Variants in PRELID2 observed in about 807,000 individuals in gnomAD.
The protein encoded by PRELID2 is PRELI domain containing 2, also known as PRELI domain-containing protein 2.
PRELID2 carries 25 observed loss-of-function variants against 28.4 expected under a neutral mutation model. The ratio of observed to expected loss-of-function variants is 0.88; its 90% CI spans 0.64 to 1.23. The LOEUF (loss-of-function observed/expected upper bound fraction) is 1.23. Ranked by LOEUF, PRELID2 falls within the 50% of genes most tolerant of loss-of-function variation. The pLI, the probability that PRELID2 is intolerant of heterozygous loss-of-function variation, is 0.00. For synonymous variants in PRELID2, 76 were observed against 71.6 expected (o/e 1.06, Z -0.31); for missense variants, 201 against 214.4 (o/e 0.94, Z 0.39).
intron 1 of PRELID2, among the ~76,000 whole-genome samples, chr5:145,599,946 G>C (rs62394187): frequency 0.033 from 5,086 of 152,044 alleles, 176 homozygotes; most frequent in African/African-American, 0.081. Flanking sequence ...CATCTTCCAA[G>C]GTATTTCTAA....
intron 1 of PRELID2, among the ~76,000 whole-genome samples, chr5:145,508,126 C>T (rs183161247): frequency 4.7e-4 from 71 of 152,194 alleles, no homozygotes; most frequent in Middle Eastern, 3.4e-3. Context: ...TCTTGTTTAG[C>T]GATAGTGCGA....
intron 1 of PRELID2, among the ~76,000 whole-genome samples, chr5:145,589,042 G>A (rs954166702): frequency 6.6e-6 from 1 of 152,120 alleles, no homozygotes; most frequent in African/African-American, 2.4e-5. Flanking sequence ...TCCAGAAAGA[G>A]GGAGAAAGAG....
chr5:145,766,394 G>T (rs1399166496), intron 5 of PRELID2, among the ~76,000 whole-genome samples: 1 of 152,120 alleles, frequency 6.6e-6, no homozygotes, highest in Non-Finnish European at 1.5e-5. Context: ...ACACCACGTG[G>T]GCCTGCAGGA....
chr5:145,541,858 C>T (rs1435351529), intron 1 of PRELID2, among the ~76,000 whole-genome samples: 5 of 151,524 alleles, frequency 3.3e-5, no homozygotes, highest in African/African-American at 1.2e-4. Flanking sequence ...AAAAACAAAG[C>T]CCCTGAAATG....
the PRELID2 span, among the ~76,000 whole-genome samples, chr5:145,408,003 C>A: frequency 1.3e-5 from 2 of 152,052 alleles, no homozygotes; most frequent in African/African-American, 2.4e-5. Context: ...AGCACCAGCC[C>A]AGAGCCCAGT....
At chr5:145,543,258 G>T (rs1006031411) in intron 1 of PRELID2, among the ~76,000 whole-genome samples, 4 of 152,086 alleles carry the variant, frequency 2.6e-5, no homozygotes, top group African/African-American at 9.7e-5. Context: ...GTTATCTCCA[G>T]TGCCTGCCAT....
At chr5:145,786,559 C>G (rs746522441) in intron 5 of PRELID2, among the ~76,000 whole-genome samples, 3 of 152,092 alleles carry the variant, frequency 2.0e-5, no homozygotes, top group Non-Finnish European at 4.4e-5. Flanking sequence ...GTTTGCAGCC[C>G]CAGCTAAAAC....
chr5:145,480,437 A>G (rs1213170623), intron 1 of PRELID2, among the ~76,000 whole-genome samples: 1 of 152,100 alleles, frequency 6.6e-6, no homozygotes, highest in Admixed American at 6.6e-5. Flanking sequence ...CCACGTGCAA[A>G]ATTTTTTTAA....
the PRELID2 span, among the ~76,000 whole-genome samples, chr5:145,328,869 G>A: frequency 1.3e-5 from 2 of 152,064 alleles, no homozygotes; most frequent in African/African-American, 2.4e-5. Flanking sequence ...GTCCTGAATG[G>A]TATTACCTAG....
At chr5:145,781,733 T>A (rs1008744434) in intron 5 of PRELID2, among the ~76,000 whole-genome samples, 1 of 146,096 alleles carries the variant, frequency 6.8e-6, no homozygotes, top group Non-Finnish European at 1.5e-5. Flanking sequence ...ATATATATAC[T>A]ATATATATAC....
intron 1 of PRELID2, among the ~76,000 whole-genome samples, chr5:145,641,781 C>T (rs1328587912): frequency 6.6e-6 from 1 of 152,140 alleles, no homozygotes; most frequent in African/African-American, 2.4e-5. Context: ...TTTTCTGTTT[C>T]TGTGTTAGTT....
At chr5:145,774,252 A>C (rs183393066) in intron 5 of PRELID2, among the ~76,000 whole-genome samples, 1 of 152,320 alleles carries the variant, frequency 6.6e-6, no homozygotes, top group East Asian at 1.9e-4. Context: ...GGAGAGGTAA[A>C]TGACTTGTTC....
intron 5 of PRELID2, among the ~76,000 whole-genome samples, chr5:145,771,750 G>C (rs1758120096): frequency 6.6e-6 from 1 of 152,100 alleles, no homozygotes; most frequent in South Asian, 2.1e-4. Flanking sequence ...TGCTACTTGG[G>C]AGGCTGAGGC....
chr5:145,786,886 C>T (rs1249786655), intron 5 of PRELID2, among the ~76,000 whole-genome samples: 1 of 152,204 alleles, frequency 6.6e-6, no homozygotes, highest in Non-Finnish European at 1.5e-5. Context: ...AAGGAAACTG[C>T]ATATTCTGAT....
At chr5:145,726,515 T>C (rs1429734954) in intron 1 of PRELID2, among the ~76,000 whole-genome samples, 1 of 152,086 alleles carries the variant, frequency 6.6e-6, no homozygotes, top group Non-Finnish European at 1.5e-5. Flanking sequence ...GATGGATGAA[T>C]AGATGGATAA....
chr5:145,267,055 C>A, the PRELID2 span, among the ~76,000 whole-genome samples: 1 of 152,020 alleles, frequency 6.6e-6, no homozygotes, highest in Non-Finnish European at 1.5e-5. Context: ...TTAACTCACA[C>A]AATCACAAGG....
In PRELID2 at chr5:145,817,212, TA is replaced by T. The variant is rs200034950; in HGVS notation, c.368+681del. On this transcript the variant is annotated intron_variant, in intron 4 of 6. Coordinates refer to ENST00000683046, the MANE Select transcript of PRELID2 (RefSeq NM_205846.3). ...TTTCAAAAAAAAATAAATAAATAAA[TA>T]AAAAAAAATATATATATATATATAC... Among the ~76,000 whole-genome samples the T allele has an allele frequency of 1.5e-4, 11 of 72,836 alleles. 3 individuals are homozygous for T. The highest frequency in any genetic ancestry group is 1.0e-3 in the South Asian group (2 of 1,990). 47.8% of individuals were successfully genotyped at this position (72,836 alleles called of 152,430 possible).
the PRELID2 span, among the ~76,000 whole-genome samples, chr5:145,398,613 T>G: frequency 6.6e-6 from 1 of 152,064 alleles, no homozygotes; most frequent in Non-Finnish European, 1.5e-5. Flanking sequence ...ATTCAACATA[T>G]ACTTACTCTG....
At chr5:145,275,967 C>A in the PRELID2 span, among the ~76,000 whole-genome samples, 14 of 152,078 alleles carry the variant, frequency 9.2e-5, no homozygotes, top group Non-Finnish European at 5.9e-5. Flanking sequence ...CGTAGATGTA[C>A]ATAACTAGCA....
Sources: allele counts gnomAD v4.1 joint callset (sites outside exome capture counted in the v4.1 genomes callset), GRCh38; gene constraint gnomAD v4.1.1; transcripts MANE v1.5; gene names NCBI Gene and HGNC (gene_info 2026-07-23, HGNC 2026-07-21).